The following WDPCP variants were observed in gnomAD, a reference collection of about 807,000 sequenced individuals.
WDPCP encodes the protein WD repeat-containing and planar cell polarity effector protein fritz homolog.
In WDPCP, 71 loss-of-function variants were observed where a neutral mutation model predicts 93.1. The ratio of observed to expected loss-of-function variants is 0.76; its 90% CI spans 0.63 to 0.93. The LOEUF is 0.93. Among genes scored for constraint, WDPCP ranks in the 40% least tolerant of loss-of-function variants. The pLI, the probability that WDPCP is intolerant of heterozygous loss-of-function variation, is 0.00. For synonymous variants in WDPCP, 315 were observed against 315.0 expected (o/e 1.00, Z 0.00); for missense variants, 844 against 887.4 (o/e 0.95, Z 0.62).
intron 15 of WDPCP, among the ~76,000 whole-genome samples, chr2:63,164,626 A>G (rs1332192672): frequency 6.6e-6 from 1 of 152,178 alleles, no homozygotes; most frequent in Non-Finnish European, 1.5e-5. Context: ...AGAGTGAGCC[A>G]ATTAAACATC....
intron 17 of WDPCP, among the ~76,000 whole-genome samples, chr2:63,125,700 C>T (rs1002364774): frequency 1.3e-5 from 2 of 151,824 alleles, no homozygotes; most frequent in Admixed American, 1.3e-4. Flanking sequence ...CTCCGCTTCC[C>T]GGGTTCAAGC....
chr2:63,589,039 C>T (rs748365836), upstream of WDPCP: 6 of 1,614,242 alleles, frequency 3.7e-6, no homozygotes, highest in Non-Finnish European at 5.1e-6. Context: ...CCGCAGTTTT[C>T]AATCATGGTG....
intron 12 of WDPCP, among the ~76,000 whole-genome samples, chr2:63,346,857 C>A (rs911592210): frequency 2.6e-5 from 4 of 152,180 alleles, no homozygotes; most frequent in African/African-American, 9.7e-5. Context: ...CATCATAAAA[C>A]CAGAGGATCA....
At chr2:63,369,554 G>A in intron 12 of WDPCP, 1 of 455,440 alleles carries the variant, frequency 2.2e-6, no homozygotes, top group Non-Finnish European at 4.4e-6. Flanking sequence ...CTAGAATTTG[G>A]GCAGAAAACA....
chr2:63,167,608 G>A (rs1019227522), intron 15 of WDPCP, among the ~76,000 whole-genome samples: 7 of 152,270 alleles, frequency 4.6e-5, no homozygotes, highest in African/African-American at 1.7e-4. Flanking sequence ...ATTACATTGT[G>A]ATTGGAGAGT....
intron 17 of WDPCP, among the ~76,000 whole-genome samples, chr2:63,126,619 A>C (rs72811602): frequency 2.6e-5 from 4 of 151,908 alleles, no homozygotes; most frequent in Non-Finnish European, 4.4e-5. Context: ...TAACTTGTAT[A>C]AAACAGCCCG....
At chr2:63,683,424 C>A (rs1668750868) in intron 2 of WDPCP, among the ~76,000 whole-genome samples, 1 of 151,854 alleles carries the variant, frequency 6.6e-6, no homozygotes, top group African/African-American at 2.4e-5. Context: ...CCAATGGAAA[C>A]CAAAAGAGAG....
At chr2:63,138,863 C>T (rs1170083388) in intron 17 of WDPCP, among the ~76,000 whole-genome samples, 1 of 151,932 alleles carries the variant, frequency 6.6e-6, no homozygotes, top group Non-Finnish European at 1.5e-5. Flanking sequence ...TCCCACTCTT[C>T]CCCCCAAGTC....
rs190556368 is a variant in WDPCP at position 63,212,075 on chromosome 2, G to C, written c.1916-37243C>G. Among the ~76,000 whole-genome samples, 192 of 152,252 alleles carry C rather than the reference G, an allele frequency of 1.3e-3. 1 individual carries two copies. The highest frequency in any genetic ancestry group is 6.8e-3 in the Middle Eastern group (2 of 294). On this transcript the variant is annotated intron_variant, in intron 14 of 17. Coordinates refer to ENST00000272321, the MANE Select transcript of WDPCP (RefSeq NM_015910.7). ...GATATTATCAAAGAGAACTTCTCCA[G>C]CTAGCAAGGCAGGCCAACATTCAAA...
At position 63,561,252 on chromosome 2, in the gene WDPCP, G is replaced by T. The variant is rs572400383; in HGVS notation, c.75+26945C>A. On this transcript the variant is annotated intron_variant, in intron 1 of 17. Coordinates refer to ENST00000272321, the MANE Select transcript of WDPCP (RefSeq NM_015910.7). Reference sequence around the variant, plus strand: ...CCAGCACTTTGGGAGGCCGAGGTAGGCGGATCATGAGGTCAGGAGATTGAG... The same window carrying T: ...CCAGCACTTTGGGAGGCCGAGGTAGTCGGATCATGAGGTCAGGAGATTGAG... Among the ~76,000 whole-genome samples, 15 of 152,302 alleles carry T rather than the reference G, an allele frequency of 9.8e-5. No individual in the cohort carries two copies. In the South Asian group the frequency reaches 2.1e-3, roughly 21 times the overall value.
At chr2:63,402,316 G>C (rs1030700638) in intron 10 of WDPCP, among the ~76,000 whole-genome samples, 2 of 152,124 alleles carry the variant, frequency 1.3e-5, no homozygotes, top group Middle Eastern at 3.4e-3. Context: ...GGGCCTGTTG[G>C]GGGTGGGGAG....
chr2:63,319,248 G>T (rs1250868599), intron 12 of WDPCP, among the ~76,000 whole-genome samples: 1 of 152,088 alleles, frequency 6.6e-6, no homozygotes, highest in Non-Finnish European at 1.5e-5. Context: ...ATAGTTGTAG[G>T]TTTTACATTT....
intron 1 of WDPCP, among the ~76,000 whole-genome samples, chr2:63,524,423 C>T (rs1703167473): frequency 6.6e-6 from 1 of 152,140 alleles, no homozygotes; most frequent in Non-Finnish European, 1.5e-5. Flanking sequence ...CAATGGAACA[C>T]AACAGAGAAC....
At chr2:63,535,054 C>T (rs1704171847) in intron 1 of WDPCP, among the ~76,000 whole-genome samples, 2 of 151,994 alleles carry the variant, frequency 1.3e-5, no homozygotes, top group African/African-American at 4.8e-5. Flanking sequence ...ACAAGCATTC[C>T]TATACACCAA....
chr2:63,709,057 CAAAAAAAAAAAA>C (rs953764802), intron 2 of WDPCP, among the ~76,000 whole-genome samples: 2 of 12,098 alleles, frequency 1.7e-4, no homozygotes, highest in South Asian at 2.4e-3. Flanking sequence ...CCTGTCTCTA[CAAAAAAAAAAAA>C]AAAAAAAAAA....
chr2:63,416,635 T>A (rs1695450371), intron 9 of WDPCP, among the ~76,000 whole-genome samples: 1 of 152,146 alleles, frequency 6.6e-6, no homozygotes, highest in African/African-American at 2.4e-5. Context: ...ACGATTCTCA[T>A]GCCTCAGCCT....
intron 1 of WDPCP, chr2:63,518,499 G>A (rs993548912): frequency 6.6e-6 from 1 of 152,444 alleles, no homozygotes; most frequent in Admixed American, 6.5e-5. Context: ...AACTGGCAGG[G>A]AGAGCTGCAT....
intron 1 of WDPCP, among the ~76,000 whole-genome samples, chr2:63,504,967 G>A (rs1394703748): frequency 2.6e-5 from 4 of 151,868 alleles, no homozygotes; most frequent in Admixed American, 6.6e-5. Context: ...ATGGCCGATT[G>A]GTCAATAAAT....
chr2:63,411,762 T>G (rs2105268835), intron 9 of WDPCP, among the ~76,000 whole-genome samples: 1 of 152,166 alleles, frequency 6.6e-6, no homozygotes, highest in Middle Eastern at 3.4e-3. Flanking sequence ...TTTACACACA[T>G]AAACTAGAAA....
Sources: gnomAD v4.1 joint callset for allele counts (sites outside exome capture counted in the v4.1 genomes callset) on GRCh38, gnomAD v4.1.1 for gene constraint, MANE v1.5 for transcripts, NCBI Gene and HGNC (gene_info 2026-07-23, HGNC 2026-07-21) for gene names.